Variants in EDARADD observed in about 807,000 individuals in gnomAD.
EDARADD encodes ectodysplasin-A receptor-associated adapter protein.
Under a neutral mutation model 25.6 loss-of-function variants are expected in EDARADD, and 20 were observed. That is an observed-to-expected ratio of 0.78 (90% CI 0.55 to 1.14). The LOEUF (loss-of-function observed/expected upper bound fraction) is 1.14, where lower values mean the gene tolerates loss of function less well. Among genes scored for constraint, EDARADD ranks in the 50% most tolerant of loss-of-function variants. EDARADD has a pLI of 0.00. For synonymous variants in EDARADD, 86 were observed against 94.4 expected (o/e 0.91, Z 0.52); for missense variants, 225 against 270.1 (o/e 0.83, Z 1.17).
chr1:236,437,413 T>A (rs1658285601), intron 4 of EDARADD, among the ~76,000 whole-genome samples: 1 of 151,526 alleles, frequency 6.6e-6, no homozygotes. Context: ...CCCGAAAGAG[T>A]CTGACGGTGG....
intron 1 of EDARADD, among the ~76,000 whole-genome samples, chr1:236,400,289 T>C (rs1164080678): frequency 1.3e-5 from 2 of 152,116 alleles, no homozygotes; most frequent in Non-Finnish European, 1.5e-5. Flanking sequence ...CCTCTTCTGT[T>C]TGATCCCCCG....
intron 3 of EDARADD, among the ~76,000 whole-genome samples, chr1:236,362,248 A>T (rs931967366): frequency 1.3e-5 from 2 of 152,140 alleles, no homozygotes; most frequent in African/African-American, 2.4e-5. Context: ...CCATCTAAAG[A>T]GTCTGCAGTG....
At chr1:236,389,869 C>A (rs1335669940), upstream of EDARADD, among the ~76,000 whole-genome samples, 1 of 151,990 alleles carries the variant, frequency 6.6e-6, no homozygotes, top group Admixed American at 6.6e-5. Flanking sequence ...ATTGGCCAGG[C>A]GTGGTGGGGT....
chr1:236,394,441 C>G lies in EDARADD; in HGVS notation c.-4C>G. On this transcript the variant is annotated 5_prime_UTR_variant, in exon 1 of 6. The change creates a new upstream start codon in the 5' untranslated region. Coordinates refer to ENST00000334232, the MANE Select transcript of EDARADD (RefSeq NM_145861.4). ...AGAATTAAGAAGCCAAACTCAACAT[C>G]GCCATGGGCCTCAGGACGACTAAAC... 1.9e-6 allele frequency: 3 copies of G among 1,614,094 alleles called. No individual in the cohort carries two copies. Among genetic ancestry groups the G allele is most frequent in the Middle Eastern group, 3.3e-4 (2 of 6,062 alleles).
chr1:236,423,975 C>G (rs1618063), intron 3 of EDARADD, among the ~76,000 whole-genome samples: 87,224 of 151,502 alleles, frequency 0.58, 27,214 homozygotes, highest in Non-Finnish European at 0.7. Context: ...GCGTGGTGGT[C>G]GGCACCTGTA....
intron 5 of EDARADD, among the ~76,000 whole-genome samples, chr1:236,481,842 G>A (rs886152196): frequency 9.9e-5 from 15 of 150,772 alleles, no homozygotes; most frequent in East Asian, 2.0e-4. Context: ...GGCCAGGCAC[G>A]GTGGCTCATG....
At chr1:236,411,923 C>A (rs1349708725) in intron 2 of EDARADD, among the ~76,000 whole-genome samples, 1 of 152,206 alleles carries the variant, frequency 6.6e-6, no homozygotes, top group Non-Finnish European at 1.5e-5. Context: ...AACTAATTAC[C>A]TCTACAACTA....
At chr1:236,421,489 CTTTTTTTTTTTTTT>C (rs34922732) in intron 3 of EDARADD, among the ~76,000 whole-genome samples, 1 of 75,428 alleles carries the variant, frequency 1.3e-5, no homozygotes. Flanking sequence ...CTTCCCAGTT[CTTTTTTTTTTTTTT>C]TTTTTTTTTT....
intron 5 of EDARADD, among the ~76,000 whole-genome samples, chr1:236,470,899 C>T (rs1206752062): frequency 1.3e-5 from 2 of 152,190 alleles, no homozygotes; most frequent in South Asian, 4.1e-4. Flanking sequence ...CACACCACCA[C>T]ACCCGGTTAA....
chr1:236,366,238 TG>T (rs1391095605), intron 3 of EDARADD, among the ~76,000 whole-genome samples: 1 of 152,226 alleles, frequency 6.6e-6, no homozygotes, highest in African/African-American at 2.4e-5. Context: ...TCTTGGGCTT[TG>T]CTTTTTGAAA....
intron 3 of EDARADD, among the ~76,000 whole-genome samples, chr1:236,389,270 A>G (rs1170041405): frequency 1.3e-5 from 2 of 152,122 alleles, no homozygotes; most frequent in African/African-American, 2.4e-5. Context: ...CTGCACAGCC[A>G]CACTTTTTCA....
At chr1:236,436,865 C>T (rs1558124178) in intron 4 of EDARADD, among the ~76,000 whole-genome samples, 1 of 152,274 alleles carries the variant, frequency 6.6e-6, no homozygotes, top group East Asian at 1.9e-4. Flanking sequence ...TCTGTTCATA[C>T]AGCAGGGAGG....
chr1:236,382,625 A>G (rs1465959626), intron 3 of EDARADD, among the ~76,000 whole-genome samples: 6 of 152,192 alleles, frequency 3.9e-5, no homozygotes, highest in African/African-American at 1.4e-4. Flanking sequence ...AGTTGGTTGG[A>G]AAGAATTTGA....
rs188761780 is a variant in EDARADD at position 236,399,947 on chromosome 1, A to G, written c.61+5442A>G. 9.5e-3 allele frequency among the ~76,000 whole-genome samples: 1,452 copies of G among 152,296 alleles called. 27 individuals are homozygous for G. Among genetic ancestry groups the G allele is most frequent in the African/African-American group, 0.033 (1,357 of 41,564 alleles). On this transcript the variant is annotated intron_variant, in intron 1 of 5. Transcript: ENST00000334232. ...CTCACTGCCCCTCCTGTGGGCTTCAATGGGTCCAAGGTGGCAACCTACCCT... is the reference window on the plus strand; with the variant it reads ...CTCACTGCCCCTCCTGTGGGCTTCAGTGGGTCCAAGGTGGCAACCTACCCT...
intron 3 of EDARADD, among the ~76,000 whole-genome samples, chr1:236,363,953 G>T (rs574580246): frequency 1.6e-4 from 24 of 152,016 alleles, no homozygotes; most frequent in African/African-American, 5.3e-4. Flanking sequence ...ATCACTTGAG[G>T]TCAGGAGTTC....
chr1:236,376,606 A>G (rs1396344844), intron 3 of EDARADD, among the ~76,000 whole-genome samples: 3 of 151,864 alleles, frequency 2.0e-5, no homozygotes, highest in Non-Finnish European at 4.4e-5. Flanking sequence ...TTTTCTCTGT[A>G]TTTGATTTCC....
intron 3 of EDARADD, among the ~76,000 whole-genome samples, chr1:236,365,513 C>T (rs1221113762): frequency 6.6e-6 from 1 of 152,062 alleles, no homozygotes; most frequent in Non-Finnish European, 1.5e-5. Flanking sequence ...CGCTATGTTG[C>T]CCAGGCTGGT....
rs567752682 is a variant in EDARADD at position 236,484,061 on chromosome 1, T to G, written c.*1412T>G. 51 of 1,576,640 alleles carry G rather than the reference T, an allele frequency of 3.2e-5. No individual in the cohort carries two copies. In the African/African-American group the frequency reaches 5.1e-4, roughly 16 times the overall value. ...CTACTGAAGATCCCTTTGACCAGGA[T>G]GACTGGGGAGCTTGGCAGAAGTTCA... On this transcript the variant is annotated 3_prime_UTR_variant, in exon 6 of 6. Transcript: ENST00000334232. The surrounding 1 kb of genome is among the most constrained non-coding windows in gnomAD (Gnocchi z 4.1).
intron 4 of EDARADD, among the ~76,000 whole-genome samples, chr1:236,438,997 C>T (rs1658335490): frequency 6.6e-6 from 1 of 152,242 alleles, no homozygotes; most frequent in Admixed American, 6.5e-5. Flanking sequence ...CTGAGCTCCA[C>T]CCATTCATCT....
Sources: gnomAD v4.1 joint callset for allele counts (sites outside exome capture counted in the v4.1 genomes callset) on GRCh38, gnomAD v4.1.1 for gene constraint, Gnocchi (gnomAD v3.1) non-coding constraint, MANE v1.5 for transcripts, NCBI Gene and HGNC (gene_info 2026-07-23, HGNC 2026-07-21) for gene names.